RCAN3: variants seen among roughly 807,000 people sequenced by gnomAD.
RCAN3 encodes calcipressin-3.
RCAN3 carries 19 observed loss-of-function variants against 21.9 expected under a neutral mutation model. That is an observed-to-expected ratio of 0.87 (90% confidence interval 0.61 to 1.27). The LOEUF is 1.27. RCAN3 is among the 50% of genes most tolerant of loss of function. The pLI is 0.00. For missense variants in RCAN3, 240 were observed against 300.1 expected (o/e 0.80, Z 1.48); for synonymous variants, 114 against 112.3 (o/e 1.01, Z -0.09).
chr1:24,521,008 T>G (rs1339893244), intron 2 of RCAN3, among the ~76,000 whole-genome samples: 1 of 152,098 alleles, frequency 6.6e-6, no homozygotes, highest in East Asian at 1.9e-4. Context: ...CAAAACAGTC[T>G]TGAAAACAAA....
chr1:24,521,802 C>T (rs1324436000), intron 2 of RCAN3, among the ~76,000 whole-genome samples: 4 of 151,636 alleles, frequency 2.6e-5, no homozygotes, highest in Admixed American at 6.6e-5. Flanking sequence ...GAGCTGAGAT[C>T]GTGCCATTGT....
intron 2 of RCAN3, among the ~76,000 whole-genome samples, chr1:24,526,596 G>A (rs1467069369): frequency 6.6e-6 from 1 of 152,210 alleles, no homozygotes; most frequent in Non-Finnish European, 1.5e-5. Context: ...AGAATTCGTT[G>A]TGGGGGGCTA....
intron 4 of RCAN3, among the ~76,000 whole-genome samples, chr1:24,533,766 C>T (rs776215802): frequency 3.9e-5 from 6 of 152,226 alleles, no homozygotes; most frequent in Non-Finnish European, 7.3e-5. Flanking sequence ...TACCACTGTA[C>T]TCCAGCCTAG....
At chr1:24,504,358 G>A (rs1647285103) in intron 1 of RCAN3, among the ~76,000 whole-genome samples, 1 of 152,102 alleles carries the variant, frequency 6.6e-6, no homozygotes, top group African/African-American at 2.4e-5. Flanking sequence ...TGTAGAGATT[G>A]GGTGTCACTA....
intron 2 of RCAN3, among the ~76,000 whole-genome samples, chr1:24,529,029 T>TA (rs772051698): frequency 5.3e-5 from 8 of 152,236 alleles, no homozygotes; most frequent in African/African-American, 1.9e-4. Flanking sequence ...ATTAAAAAGA[T>TA]AAAAAACTCC....
intron 2 of RCAN3, among the ~76,000 whole-genome samples, chr1:24,523,648 AT>A (rs1553151346): frequency 1.5e-4 from 21 of 139,706 alleles, no homozygotes; most frequent in African/African-American, 5.9e-4. Context: ...ACACATATAT[AT>A]TTTTTTTCTT....
At chr1:24,519,736 G>A (rs1478265302) in intron 2 of RCAN3, among the ~76,000 whole-genome samples, 2 of 152,218 alleles carry the variant, frequency 1.3e-5, no homozygotes, top group African/African-American at 2.4e-5. Context: ...AGCAACACCT[G>A]TTAAATGTTT....
At position 24,539,457 on chromosome 1, in the gene RCAN3, C is replaced by G. The variant is rs1368116704; in HGVS notation, c.*4180C>G. The G allele has an allele frequency of 1.3e-5, 2 of 152,126 alleles. No individual in the cohort carries two copies. Among genetic ancestry groups the G allele is most frequent in the African/African-American group, 4.8e-5 (2 of 41,422 alleles). The allele number at this position is 152,126 out of a possible 1,614,324, so 9.4% of individuals were successfully genotyped here. ...CAATTATGTTGGTATTTTATGTGGG[C>G]CTTCCCAGATTTTCATATTAATGAA... On this transcript the variant is annotated 3_prime_UTR_variant, in exon 5 of 5. Transcript: ENST00000374395.
At chr1:24,509,800 A>G (rs1298532702) in intron 1 of RCAN3, among the ~76,000 whole-genome samples, 1 of 152,170 alleles carries the variant, frequency 6.6e-6, no homozygotes, top group African/African-American at 2.4e-5. Flanking sequence ...AAAGTTTTCC[A>G]TTTACTTTGC....
At chr1:24,524,131 G>A (rs1057001592) in intron 2 of RCAN3, among the ~76,000 whole-genome samples, 3 of 152,160 alleles carry the variant, frequency 2.0e-5, no homozygotes, top group Non-Finnish European at 4.4e-5. Context: ...TTGGGAGGCT[G>A]AGGCAGGAGA....
In RCAN3 at chr1:24,514,556, C is replaced by T. The variant is rs572041594; in HGVS notation, c.184C>T (p.Arg62Ter). The T allele has an allele frequency of 3.7e-6, 6 of 1,613,588 alleles. No individual in the cohort carries two copies. The highest frequency in any genetic ancestry group is 1.7e-4 in the Middle Eastern group (1 of 6,056). ...CGTCCATGAAGCAGTGTTTGAGGCA[C>T]GAGAGCAGAAGGTAGGCATCTATCC... ...CSVHEAVFEA[R>*]EQKERFEALF... Residue 62 changes from arginine to a stop codon, truncating the protein, a stop_gained, in exon 2 of 5, where the codon CGA (arginine) becomes TGA (stop). Transcript: ENST00000374395. LOFTEE classifies it high-confidence loss of function.
intron 2 of RCAN3, among the ~76,000 whole-genome samples, chr1:24,522,346 C>T (rs1290133689): frequency 6.6e-6 from 1 of 152,180 alleles, no homozygotes; most frequent in Non-Finnish European, 1.5e-5. Flanking sequence ...TTCTGTGCTG[C>T]CTGAACAAGG....
chr1:24,535,062 T>G (rs1650117783), intron 4 of RCAN3, 31 bp from the exon 5 acceptor site: 1 of 1,582,774 alleles, frequency 6.3e-7, no homozygotes, highest in Non-Finnish European at 8.5e-7. Context: ...AAGTGATGCT[T>G]TTGTCATGGT....
intron 1 of RCAN3, among the ~76,000 whole-genome samples, chr1:24,506,592 A>C (rs917966019): frequency 1.3e-5 from 2 of 152,070 alleles, no homozygotes; most frequent in South Asian, 2.1e-4. Context: ...AAGATAAAGC[A>C]GATGGTCAAA....
At position 24,531,351 on chromosome 1, in the gene RCAN3, C is replaced by T; in HGVS notation, c.329C>T (p.Thr110Ile). Residue 110 changes from threonine to isoleucine, a missense_variant, in exon 3 of 5, where the codon ACA becomes ATA. Physicochemically the swap from Thr to Ile is moderately conservative, Grantham distance 89. Transcript: ENST00000374395. ...AARARIELHE[T>I]DFNGQKLKLY... ...AGAGCGCGAATAGAACTCCACGAAA[C>T]AGACTTCAATGGGCAGAAGCTAAAG... The T allele has an allele frequency of 6.2e-7, 1 of 1,613,734 alleles. No homozygotes were observed. The highest frequency in any genetic ancestry group is 8.5e-7 in the Non-Finnish European group (1 of 1,179,826).
chr1:24,535,093 G>C lies in RCAN3; in HGVS notation c.542G>C (p.Gly181Ala). Residue 181 changes from glycine (G) to alanine (A), a missense_variant and splice_region_variant, in exon 5 of 5, where the codon GGA (glycine) becomes GCA (alanine). Gly to Ala is a moderately conservative substitution (Grantham distance 60, BLOSUM62 0). Coordinates refer to ENST00000374395, the MANE Select transcript of RCAN3 (RefSeq NM_013441.4). ...LLCAVSKLGP[G>A]EKYELHAGTE... Reference sequence around the variant, plus strand: ...ATGGTTATTTTGTTTGCCTCTGCAGGAGAGAAATATGAACTTCACGCGGGA... The same window carrying C: ...ATGGTTATTTTGTTTGCCTCTGCAGCAGAGAAATATGAACTTCACGCGGGA... 1 of 1,597,768 alleles carries C rather than the reference G, an allele frequency of 6.3e-7. No homozygotes were observed. Among genetic ancestry groups the C allele is most frequent in the Non-Finnish European group, 8.5e-7 (1 of 1,174,346 alleles).
At chr1:24,524,348 G>C (rs72884419) in intron 2 of RCAN3, among the ~76,000 whole-genome samples, 1 of 152,086 alleles carries the variant, frequency 6.6e-6, no homozygotes, top group African/African-American at 2.4e-5. Context: ...TCAGTTACAG[G>C]TTTCTTTCTG....
At chr1:24,508,033 T>TGCGCCAGTGAGCCGAGATC (rs1553149558) in intron 1 of RCAN3, among the ~76,000 whole-genome samples, 14 of 151,894 alleles carry the variant, frequency 9.2e-5, no homozygotes, top group African/African-American at 2.9e-4. Context: ...GAGCCGAGAT[T>TGCGCCAGTGAGCCGAGATC]GCGCCAGTGA....
intron 3 of RCAN3, 98 bp downstream of exon 3, chr1:24,531,489 G>A (rs1570483070): frequency 9.8e-6 from 8 of 814,222 alleles, no homozygotes; most frequent in East Asian, 5.9e-5. Flanking sequence ...TAGCAGAGGT[G>A]TGTAGAGTGA....
Sources: allele counts gnomAD v4.1 joint callset (sites outside exome capture counted in the v4.1 genomes callset), GRCh38; gene constraint gnomAD v4.1.1; transcripts MANE v1.5; gene names NCBI Gene and HGNC (gene_info 2026-07-23, HGNC 2026-07-21).